Variants in ASXL2 observed in about 807,000 individuals in gnomAD.
ASXL2 encodes putative Polycomb group protein ASXL2.
Under a neutral mutation model 122.0 loss-of-function variants are expected in ASXL2, and 23 were observed. That is an observed-to-expected ratio of 0.19 (90% CI 0.14 to 0.27). The LOEUF is 0.27. Ranked by LOEUF, ASXL2 falls within the 10% of genes least tolerant of loss-of-function variation. The pLI is 1.00. For synonymous variants in ASXL2, 650 were observed against 637.0 expected (o/e 1.02, Z -0.31); for missense variants, 1,518 against 1,713.8 (o/e 0.89, Z 2.02).
intron 1 of ASXL2, among the ~76,000 whole-genome samples, chr2:25,872,882 AT>A (rs796746391): frequency 4.0e-5 from 6 of 150,132 alleles, no homozygotes; most frequent in Non-Finnish European, 5.9e-5. Context: ...TCTCAGGAGA[AT>A]TTTTTTTTTC....
In ASXL2 at chr2:25,798,882, C is replaced by T. The variant is rs192916611; in HGVS notation, c.403+503G>A. Among the ~76,000 whole-genome samples the T allele has an allele frequency of 1.9e-3, 296 of 152,266 alleles. 1 individual carries two copies. Among genetic ancestry groups the T allele is most frequent in the African/African-American group, 6.9e-3 (288 of 41,540 alleles). On this transcript the variant is annotated intron_variant, in intron 5 of 12. Transcript: ENST00000435504. The stretch of plus-strand genomic sequence containing the variant: ...TGATACTATAATGGTGAATACACAT[C>T]GTTATACATTTGTTCAAAGCCATAG...
chr2:25,746,990 G>T (rs1350497992), intron 12 of ASXL2, among the ~76,000 whole-genome samples: 2 of 152,108 alleles, frequency 1.3e-5, no homozygotes, highest in Non-Finnish European at 1.5e-5. Context: ...ATATAAAATG[G>T]CGTAGTATTT....
intron 7 of ASXL2, 122 bp downstream of exon 7, chr2:25,768,620 T>C (rs1251431184): frequency 6.4e-6 from 7 of 1,086,362 alleles, no homozygotes; most frequent in Non-Finnish European, 9.1e-6. Context: ...GTTTTGGCAG[T>C]ACAAGGATTG....
At chr2:25,759,154 C>T (rs1458158302) in intron 9 of ASXL2, among the ~76,000 whole-genome samples, 4 of 152,122 alleles carry the variant, frequency 2.6e-5, no homozygotes, top group Admixed American at 6.5e-5. Context: ...AGGGTTTTGC[C>T]ATGTTGGCCA....
intron 2 of ASXL2, among the ~76,000 whole-genome samples, chr2:25,837,092 G>A (rs1186100943): frequency 1.7e-5 from 2 of 118,488 alleles, no homozygotes; most frequent in African/African-American, 3.2e-5. Flanking sequence ...GGTGGGGGGG[G>A]GGGGCGTGGG....
chr2:25,753,660 G>T (rs764842932), intron 10 of ASXL2, 21 bp from the exon 11 acceptor site: 2 of 1,556,350 alleles, frequency 1.3e-6, no homozygotes, highest in East Asian at 4.5e-5. Flanking sequence ...CCCAAAAAAG[G>T]ATATTCAATA....
At chr2:25,846,930 G>C (rs1388556955) in intron 1 of ASXL2, among the ~76,000 whole-genome samples, 1 of 152,204 alleles carries the variant, frequency 6.6e-6, no homozygotes, top group African/African-American at 2.4e-5. Context: ...ATGTGACACA[G>C]ATGTTGGAAT....
chr2:25,870,480 C>A (rs940446045), intron 1 of ASXL2, among the ~76,000 whole-genome samples: 1 of 152,066 alleles, frequency 6.6e-6, no homozygotes, highest in African/African-American at 2.4e-5. Flanking sequence ...GCCAAGATTG[C>A]GCCACTGCAG....
intron 1 of ASXL2, among the ~76,000 whole-genome samples, chr2:25,849,064 C>CATATAT (rs139200567): frequency 0.62 from 53,473 of 86,472 alleles, 17,439 homozygotes; most frequent in Non-Finnish European, 0.67. Flanking sequence ...AAAAAATTTA[C>CATATAT]ATATATATAT....
intron 1 of ASXL2, among the ~76,000 whole-genome samples, chr2:25,873,830 C>A (rs1199136050): frequency 6.6e-6 from 1 of 151,906 alleles, no homozygotes; most frequent in Non-Finnish European, 1.5e-5. Flanking sequence ...CCTCTCTATC[C>A]CTTCCACCTA....
intron 11 of ASXL2, among the ~76,000 whole-genome samples, 170 bp from the exon 12 acceptor site, chr2:25,750,583 C>T (rs558641866): frequency 4.4e-4 from 67 of 152,214 alleles, no homozygotes; most frequent in African/African-American, 1.5e-3. Context: ...AGTCAGAGTG[C>T]CTGGATTCAA....
At chr2:25,795,388 G>A (rs1344327878) in intron 5 of ASXL2, among the ~76,000 whole-genome samples, 3 of 152,158 alleles carry the variant, frequency 2.0e-5, no homozygotes, top group Non-Finnish European at 4.4e-5. Flanking sequence ...GCAAGGTTAT[G>A]TTATTCATAT....
Position 25,842,808 on chromosome 2 carries a change from A to C in ASXL2, c.140+2673T>G, listed in dbSNP as rs537330082. 1.3e-3 allele frequency among the ~76,000 whole-genome samples: 191 copies of C among 148,898 alleles called. 2 individuals carry two copies. The highest frequency in any genetic ancestry group is 4.5e-3 in the East Asian group (23 of 5,066). On this transcript the variant is annotated intron_variant, in intron 2 of 12. Coordinates refer to ENST00000435504, the MANE Select transcript of ASXL2 (RefSeq NM_018263.6). ...TGTGTGTGTGTATATATATATATATATATGTTTTTTTTGTTTGTTTGTTTG... is the reference window on the plus strand; with the variant it reads ...TGTGTGTGTGTATATATATATATATCTATGTTTTTTTTGTTTGTTTGTTTG...
At chr2:25,769,707 G>GA (rs1376338610) in intron 6 of ASXL2, among the ~76,000 whole-genome samples, 1 of 151,456 alleles carries the variant, frequency 6.6e-6, no homozygotes, top group Non-Finnish European at 1.5e-5. Context: ...GTAATTTCAG[G>GA]AAAAAAACTG....
At chr2:25,818,841 C>T (rs369679137) in intron 3 of ASXL2, among the ~76,000 whole-genome samples, 310 of 152,294 alleles carry the variant, frequency 2.0e-3, no homozygotes, top group African/African-American at 7.0e-3. Context: ...GCTTTGTGTA[C>T]TCATGGCCCT....
chr2:25,793,234 AAAAT>A (rs1238950955), intron 5 of ASXL2, among the ~76,000 whole-genome samples: 1 of 152,144 alleles, frequency 6.6e-6, no homozygotes, highest in Non-Finnish European at 1.5e-5. Flanking sequence ...TCTGTCTCAA[AAAAT>A]AAATAAAATA....
At chr2:25,745,411 C>A (rs1346934450) in intron 12 of ASXL2, among the ~76,000 whole-genome samples, 1 of 151,284 alleles carries the variant, frequency 6.6e-6, no homozygotes, top group African/African-American at 2.4e-5. Context: ...TGGGGTTTCA[C>A]CATGTTGGCT....
chr2:25,788,500 G>A (rs1344163521), intron 5 of ASXL2, among the ~76,000 whole-genome samples: 2 of 152,052 alleles, frequency 1.3e-5, no homozygotes, highest in East Asian at 3.8e-4. Context: ...GCTATACTAT[G>A]GACAGACAAG....
chr2:25,755,073 G>C (rs1309772075), intron 10 of ASXL2, among the ~76,000 whole-genome samples: 1 of 152,180 alleles, frequency 6.6e-6, no homozygotes, highest in African/African-American at 2.4e-5. Flanking sequence ...ATATTTTAAA[G>C]TCTCTCATAC....
Sources: allele counts gnomAD v4.1 joint callset (sites outside exome capture counted in the v4.1 genomes callset), GRCh38; gene constraint gnomAD v4.1.1; transcripts MANE v1.5; gene names NCBI Gene and HGNC (gene_info 2026-07-23, HGNC 2026-07-21).